PACS1: variants seen among roughly 807,000 people sequenced by gnomAD.
PACS1 encodes phosphofurin acidic cluster sorting protein 1.
In PACS1, 24 loss-of-function variants were observed where a neutral mutation model predicts 115.0. The observed-to-expected ratio is 0.21, with a 90% CI of 0.15 to 0.29. PACS1 has a LOEUF of 0.29. Among genes scored for constraint, PACS1 ranks in the 10% least tolerant of loss-of-function variants. The pLI is 1.00. For missense variants in PACS1, 838 were observed against 1,251.2 expected, an observed-to-expected ratio of 0.67 and a Z score of 4.98; for synonymous variants, 453 against 504.5, an observed-to-expected ratio of 0.90 and a Z score of 1.37.
intron 1 of PACS1, among the ~76,000 whole-genome samples, chr11:66,182,200 TG>T (rs1411305578): frequency 1.3e-5 from 2 of 152,174 alleles, no homozygotes; most frequent in Non-Finnish European, 2.9e-5. Flanking sequence ...TCATACATTG[TG>T]TTGGTCTGTG....
In PACS1 at chr11:66,123,476, G is replaced by A. The variant is rs915517550; in HGVS notation, c.356+52634G>A. On this transcript the variant is annotated intron_variant, in intron 1 of 23. Transcript: ENST00000320580. ...CAAAATGCTGGGATTATAGGCGTGA[G>A]CCACCACGCCTGGCTCAATAAGCCA... is the stretch of plus-strand genomic sequence containing the variant. 5.9e-5 allele frequency among the ~76,000 whole-genome samples: 9 copies of A among 152,132 alleles called. No individual in the cohort carries two copies. In the East Asian group the frequency reaches 1.5e-3, roughly 26 times the overall value.
At chr11:66,148,849 C>T (rs763561163) in intron 1 of PACS1, among the ~76,000 whole-genome samples, 10 of 152,096 alleles carry the variant, frequency 6.6e-5, no homozygotes, top group Non-Finnish European at 1.2e-4. Flanking sequence ...TTGCTTGAAC[C>T]AGGGAGGTGG....
intron 1 of PACS1, among the ~76,000 whole-genome samples, chr11:66,161,659 A>G (rs2134626131): frequency 6.6e-6 from 1 of 152,340 alleles, no homozygotes; most frequent in East Asian, 1.9e-4. Context: ...GGGTAATAAA[A>G]AAAGATCCTA....
intron 1 of PACS1, among the ~76,000 whole-genome samples, chr11:66,113,743 G>A (rs916462593): frequency 2.6e-5 from 4 of 152,160 alleles, no homozygotes; most frequent in African/African-American, 9.7e-5. Context: ...ATAGTTGACT[G>A]TCTCGTGATC....
chr11:66,188,981 A>G (rs1407135042), intron 1 of PACS1, among the ~76,000 whole-genome samples: 1 of 152,192 alleles, frequency 6.6e-6, no homozygotes, highest in Non-Finnish European at 1.5e-5. Flanking sequence ...AGTGTGCATC[A>G]TGTCTTGACT....
At chr11:66,093,189 C>A (rs1037773714) in intron 1 of PACS1, among the ~76,000 whole-genome samples, 1 of 152,170 alleles carries the variant, frequency 6.6e-6, no homozygotes, top group African/African-American at 2.4e-5. Context: ...TCTTTTATTT[C>A]ATTGAGCAGT....
intron 1 of PACS1, among the ~76,000 whole-genome samples, chr11:66,107,592 A>G (rs1858079070): frequency 6.6e-6 from 1 of 152,164 alleles, no homozygotes; most frequent in Non-Finnish European, 1.5e-5. Context: ...GAATGAATGA[A>G]ATGGCTGGGA....
chr11:66,233,999 A>G lies in PACS1; in HGVS notation c.1993+60A>G. On this transcript the variant is annotated intron_variant, in intron 16 of 23. Transcript: ENST00000320580. The surrounding 1 kb of genome is among the most constrained non-coding windows in gnomAD (Gnocchi z 4.5). ...TGAGGGTTCCATAGACAGATGCCTC[A>G]TCTGGAACAGGACGGTGGGGTTGGG... 2 of 1,570,556 alleles carry G rather than the reference A, an allele frequency of 1.3e-6. No individual in the cohort carries two copies. The highest frequency in any genetic ancestry group is 2.7e-5 in the African/African-American group (2 of 74,262).
intron 1 of PACS1, among the ~76,000 whole-genome samples, chr11:66,123,571 G>C (rs1295548608): frequency 6.6e-6 from 1 of 151,724 alleles, no homozygotes; most frequent in Non-Finnish European, 1.5e-5. Context: ...GCCCAGGCTA[G>C]AGTGCTGTGG....
Position 66,070,654 on chromosome 11 carries a change from G to T in PACS1, c.168G>T (p.Ser56=). 6.4e-7 allele frequency: 1 copy of T among 1,566,034 alleles called. No individual in the cohort carries two copies. The highest frequency in any genetic ancestry group is 1.7e-4 in the Middle Eastern group (1 of 5,794). ...CCAAGCTGGCCCAGGCCACCTCGTC[G>T]TCCTCGTCCACCTCGGCGGCGGCTG... ...TPPKLAQATS[S]SSSTSAAAAS... is the part of the protein sequence containing the mutation. The change falls in exon 1 of 24, where the codon TCG becomes TCT. Residue 56 remains serine (S), a synonymous_variant. Transcript: ENST00000320580. This position sits in a 1 kb window ranked among gnomAD's most constrained non-coding sequence, Gnocchi z 5.9.
chr11:66,161,088 C>T (rs113275544), intron 1 of PACS1, among the ~76,000 whole-genome samples: 25 of 152,084 alleles, frequency 1.6e-4, no homozygotes, highest in African/African-American at 5.5e-4. Flanking sequence ...CTAGAATAGG[C>T]GAGGCAGAGG....
At chr11:66,116,851 C>T (rs1312258663) in intron 1 of PACS1, among the ~76,000 whole-genome samples, 5 of 150,134 alleles carry the variant, frequency 3.3e-5, no homozygotes, top group East Asian at 2.0e-4. Context: ...GATCGTGCAA[C>T]TGCACTCCAG....
At chr11:66,079,669 CT>C (rs1385592440) in intron 1 of PACS1, among the ~76,000 whole-genome samples, 1 of 152,136 alleles carries the variant, frequency 6.6e-6, no homozygotes, top group Non-Finnish European at 1.5e-5. Context: ...TCAGCAAAAG[CT>C]TATAGACCAG....
At chr11:66,134,249 T>TTTTTC in intron 1 of PACS1, among the ~76,000 whole-genome samples, 1 of 107,948 alleles carries the variant, frequency 9.3e-6, no homozygotes. Context: ...TTTCTTTTTC[T>TTTTTC]TTTTCTTTTT....
intron 1 of PACS1, among the ~76,000 whole-genome samples, chr11:66,095,847 G>T (rs776482212): frequency 2.6e-5 from 4 of 151,732 alleles, no homozygotes; most frequent in Non-Finnish European, 5.9e-5. Flanking sequence ...CAATCTTTAG[G>T]TATTATCTGG....
At chr11:66,114,554 A>G (rs1392217117) in intron 1 of PACS1, among the ~76,000 whole-genome samples, 1 of 152,194 alleles carries the variant, frequency 6.6e-6, no homozygotes, top group Non-Finnish European at 1.5e-5. Flanking sequence ...CTAAATGGAC[A>G]TTTATTTCTA....
At chr11:66,217,767 C>T in intron 7 of PACS1, 2 of 357,846 alleles carry the variant, frequency 5.6e-6, no homozygotes, top group Non-Finnish European at 1.1e-5. Context: ...AATGCTTGAC[C>T]TCCATTGCAC....
intron 1 of PACS1, among the ~76,000 whole-genome samples, chr11:66,119,299 A>C (rs1858388451): frequency 6.6e-6 from 1 of 152,208 alleles, no homozygotes; most frequent in Non-Finnish European, 1.5e-5. Context: ...ATGAAATTCA[A>C]ATTTCTGTCT....
At chr11:66,071,520 G>C (rs75191846) in intron 1 of PACS1, among the ~76,000 whole-genome samples, 11,722 of 152,250 alleles carry the variant, frequency 0.077, 632 homozygotes, top group Non-Finnish European at 0.11. Context: ...CTCTCTGTCT[G>C]TTGGAACCAT....
Sources: gnomAD v4.1 joint callset for allele counts (sites outside exome capture counted in the v4.1 genomes callset) on GRCh38, gnomAD v4.1.1 for gene constraint, Gnocchi (gnomAD v3.1) non-coding constraint, MANE v1.5 for transcripts, NCBI Gene and HGNC (gene_info 2026-07-23, HGNC 2026-07-21) for gene names.